RNF32: variants seen among roughly 807,000 people sequenced by gnomAD.
RNF32 encodes ring finger protein 32.
A neutral mutation model predicts 41.0 loss-of-function variants in RNF32; 36 were observed. That is an observed-to-expected ratio of 0.88 (90% CI 0.67 to 1.16). RNF32 has a LOEUF of 1.16. Among genes scored for constraint, RNF32 ranks in the 50% most tolerant of loss-of-function variants. The pLI is 0.00. For missense variants in RNF32, 413 were observed against 436.7 expected (o/e 0.95, Z 0.48); for synonymous variants, 154 against 160.9 (o/e 0.96, Z 0.32).
rs751783820 is a variant in RNF32 at position 156,644,588 on chromosome 7, A to C, written c.105A>C (p.Ser35=). The C allele has an allele frequency of 1.2e-6, 2 of 1,613,328 alleles. No individual in the cohort carries two copies. The highest frequency in any genetic ancestry group is 1.7e-6 in the Non-Finnish European group (2 of 1,179,400). The part of the protein sequence containing the change: ...ILHDLQLRNL[S]VADHSKTQVQ... ...ATGATCTTCAACTTCGAAATCTTTC[A>C]GTTGCAGATCATTCTAAGACACAAG... Residue 35 remains serine, a synonymous_variant, in exon 3 of 9, where the codon TCA becomes TCC. Coordinates refer to ENST00000317955, the MANE Select transcript of RNF32 (RefSeq NM_030936.4).
rs201385839 is a variant in RNF32 at position 156,644,527 on chromosome 7, C to A, written c.44C>A (p.Ala15Glu). The change falls in exon 3 of 9, where the codon GCA (alanine) becomes GAA (glutamate). Residue 15 changes from alanine to glutamate, a missense_variant. Physicochemically the swap from Ala to Glu is moderately radical, Grantham distance 107 (BLOSUM62 -1). Coordinates refer to ENST00000317955, the MANE Select transcript of RNF32 (RefSeq NM_030936.4). ...CACTCATCTAAGAAAGATAACTTGGCAGTCAATGCAGTTGCTTTACAAGAT... is the reference window on the plus strand; with the variant it reads ...CACTCATCTAAGAAAGATAACTTGGAAGTCAATGCAGTTGCTTTACAAGAT... ...KGHSSKKDNLAVNAVALQDHI... is the reference protein window; with the variant it reads ...KGHSSKKDNLEVNAVALQDHI... 360 of 1,610,590 alleles carry A rather than the reference C, an allele frequency of 2.2e-4. 3 individuals are homozygous for A. In the East Asian group the frequency reaches 2.3e-3, roughly 10 times the overall value.
rs778606867 is a variant in RNF32, at chr7:156,644,626, A to C, written c.143A>C (p.Glu48Ala). ...DHSKTQVQKK[E>A]NKSLKRDTKA... is the part of the protein sequence containing the mutation. ...TCTAAGACACAAGTACAAAAGAAAG[A>C]GAACAAATCTCTAAAAAGAGATACA... The change falls in exon 3 of 9, where the codon GAG (glutamate) becomes GCG (alanine). Residue 48 changes from glutamate to alanine, a missense_variant. By Grantham distance (107) the Glu-to-Ala change is moderately radical. Coordinates refer to ENST00000317955, the MANE Select transcript of RNF32 (RefSeq NM_030936.4). The C allele has an allele frequency of 6.2e-7, 1 of 1,613,732 alleles. No individual in the cohort carries two copies. The highest frequency in any genetic ancestry group is 1.3e-5 in the African/African-American group (1 of 75,036).
Position 156,643,896 on chromosome 7 carries a change from C to T in RNF32, c.15+4C>T, listed in dbSNP as rs936801566. ...ATTCGGCATGTTAAAAAATAAGGTA[C>T]GCTATTCTTTTCTTAAACATACACG... On this transcript the variant is annotated splice_donor_region_variant and intron_variant, in intron 2 of 8. Transcript: ENST00000317955. 8.1e-6 allele frequency: 13 copies of T among 1,609,200 alleles called. No homozygotes were observed. The highest frequency in any genetic ancestry group is 5.3e-5 in the African/African-American group (4 of 74,830).
chr7:156,676,950 C>G lies in RNF32; in HGVS notation c.*295C>G. On this transcript the variant is annotated 3_prime_UTR_variant, in exon 9 of 9. Coordinates refer to ENST00000317955, the MANE Select transcript of RNF32 (RefSeq NM_030936.4). ...ATTGAGGTTAAGATATAGCTAGTGT[C>G]TGAACGACACTCCTTAAAGTAAGTT... 3.2e-6 allele frequency: 1 copy of G among 317,260 alleles called. No individual in the cohort carries two copies. The highest frequency in any genetic ancestry group is 5.9e-6 in the Non-Finnish European group (1 of 169,304). 19.7% of individuals were successfully genotyped at this position (317,260 alleles called of 1,614,324 possible). A position where few individuals can be genotyped will look rare whatever the true frequency, so the allele number is the denominator to read the frequency against.
intron 1 of RNF32, among the ~76,000 whole-genome samples, chr7:156,641,269 C>G (rs1456645630): frequency 6.6e-6 from 1 of 152,170 alleles, no homozygotes; most frequent in African/African-American, 2.4e-5. Context: ...TGCATCTTTA[C>G]GTCGTAGGCT....
intron 1 of RNF32, 41 bp from the exon 2 acceptor site, chr7:156,643,760 T>G (rs1220540836): frequency 1.1e-6 from 1 of 897,938 alleles, no homozygotes; most frequent in African/African-American, 1.6e-5. Flanking sequence ...GGTTTTTCTG[T>G]GCACTGTAAC....
chr7:156,641,452 C>CTAA (rs1320369804), intron 1 of RNF32, among the ~76,000 whole-genome samples: 1 of 152,204 alleles, frequency 6.6e-6, no homozygotes, highest in Non-Finnish European at 1.5e-5. Flanking sequence ...GGTTACGTTT[C>CTAA]TAACCCTACC....
At chr7:156,673,919 A>AAG (rs1554451266) in intron 7 of RNF32, among the ~76,000 whole-genome samples, 54,812 of 150,012 alleles carry the variant, frequency 0.37, 10,917 homozygotes, top group African/African-American at 0.53. Context: ...AAAAAAAAAA[A>AAG]AAAGAAAAAG....
intron 4 of RNF32, among the ~76,000 whole-genome samples, chr7:156,656,537 G>A (rs1344409171): frequency 6.6e-6 from 1 of 152,198 alleles, no homozygotes; most frequent in Non-Finnish European, 1.5e-5. Context: ...TAAGTTTCAA[G>A]AAAAGGTTTT....
chr7:156,653,009 A>T (rs1173560804), intron 3 of RNF32, among the ~76,000 whole-genome samples: 1 of 152,224 alleles, frequency 6.6e-6, no homozygotes, highest in African/African-American at 2.4e-5. Flanking sequence ...ATATTTTTAT[A>T]AATTTAGTGT....
Position 156,669,834 on chromosome 7 carries a change from G to A in RNF32, c.685-5862G>A, listed in dbSNP as rs1026337145. Among the ~76,000 whole-genome samples the A allele has an allele frequency of 5.3e-5, 8 of 152,192 alleles. No homozygotes were observed. The highest frequency in any genetic ancestry group is 1.2e-4 in the African/African-American group (5 of 41,454). ...GAGGCTCAAAATAACCAGATGAGAC[G>A]TGCAGTTGGGCCTGCAGCACGCAGG... On this transcript the variant is annotated intron_variant, in intron 7 of 8. Transcript: ENST00000317955. This position sits in a 1 kb window ranked among gnomAD's most constrained non-coding sequence, Gnocchi z 4.2.
In RNF32 at chr7:156,643,843, T is replaced by G. The variant is rs761275648; in HGVS notation, c.-35T>G. ...GGTGATAGGATGTGATGATAGAATT[T>G]GTGATAGCCAAGCAACAACTTTTCC... On this transcript the variant is annotated 5_prime_UTR_variant, in exon 2 of 9. Coordinates refer to ENST00000317955, the MANE Select transcript of RNF32 (RefSeq NM_030936.4). 1 of 1,604,790 alleles carries G rather than the reference T, an allele frequency of 6.2e-7. No individual in the cohort carries two copies.
At position 156,676,977 on chromosome 7, in the gene RNF32, C is replaced by A; in HGVS notation, c.*322C>A. On this transcript the variant is annotated 3_prime_UTR_variant, in exon 9 of 9. Transcript: ENST00000317955. ...GAACGACACTCCTTAAAGTAAGTTC[C>A]AAATGTAAAACACTCCTTAAGTTCC... is the stretch of plus-strand genomic sequence containing the variant. The A allele has an allele frequency of 4.0e-6, 1 of 252,362 alleles. No individual in the cohort carries two copies. Among genetic ancestry groups the A allele is most frequent in the South Asian group, 6.9e-5 (1 of 14,550 alleles). 15.6% of individuals were successfully genotyped at this position (252,362 alleles called of 1,614,324 possible).
intron 4 of RNF32, 144 bp from the exon 5 acceptor site, chr7:156,657,393 CAATA>C (rs1799874512): frequency 2.0e-5 from 15 of 734,546 alleles, no homozygotes; most frequent in Middle Eastern, 3.2e-4. Flanking sequence ...GCTAAACAAA[CAATA>C]AATAGTATAA....
At chr7:156,648,010 C>T (rs776788530) in intron 3 of RNF32, among the ~76,000 whole-genome samples, 3 of 145,964 alleles carry the variant, frequency 2.1e-5, no homozygotes, top group South Asian at 2.1e-4. Context: ...CATTTGCCCT[C>T]TTTTTGATGG....
chr7:156,676,489 T>C lies in RNF32; in HGVS notation c.923T>C (p.Val308Ala). 1 of 1,614,048 alleles carries C rather than the reference T, an allele frequency of 6.2e-7. No homozygotes were observed. The highest frequency in any genetic ancestry group is 8.5e-7 in the Non-Finnish European group (1 of 1,179,952). ...CTCTCCGCTGCTGGCGGTCAGCGCGTGGGTGCAGGCAGGCGTTCCAGAGAG... is the reference window on the plus strand; with the variant it reads ...CTCTCCGCTGCTGGCGGTCAGCGCGCGGGTGCAGGCAGGCGTTCCAGAGAG... The part of the protein sequence containing the change: ...APLSAAGGQR[V>A]GAGRRSREMA... Residue 308 changes from valine (V) to alanine (A), a missense_variant, in exon 9 of 9, where the codon GTG becomes GCG. Coordinates refer to ENST00000317955, the MANE Select transcript of RNF32 (RefSeq NM_030936.4).
intron 8 of RNF32, 132 bp downstream of exon 8, chr7:156,675,995 T>G: frequency 1.1e-6 from 1 of 920,606 alleles, no homozygotes; most frequent in Non-Finnish European, 1.6e-6. Context: ...GGTGCAGCCG[T>G]GGAGGCTGTG....
chr7:156,647,390 T>C (rs1347552081), intron 3 of RNF32, among the ~76,000 whole-genome samples: 2 of 150,124 alleles, frequency 1.3e-5, no homozygotes, highest in Non-Finnish European at 3.0e-5. Context: ...ATTATACCAC[T>C]GTGTATGCCT....
At chr7:156,661,976 T>C (rs1800731712) in intron 7 of RNF32, among the ~76,000 whole-genome samples, 2 of 152,254 alleles carry the variant, frequency 1.3e-5, no homozygotes, top group South Asian at 4.1e-4. Flanking sequence ...ATACTCATAA[T>C]TTGTTACATG....
Sources: gnomAD v4.1 joint callset for allele counts (sites outside exome capture counted in the v4.1 genomes callset) on GRCh38, gnomAD v4.1.1 for gene constraint, Gnocchi (gnomAD v3.1) non-coding constraint, MANE v1.5 for transcripts, NCBI Gene and HGNC (gene_info 2026-07-23, HGNC 2026-07-21) for gene names.